SLC3A1: variants seen among roughly 807,000 people sequenced by gnomAD.
The protein encoded by SLC3A1 is solute carrier family 3 member 1.
In SLC3A1, 78 loss-of-function variants were observed where a neutral mutation model predicts 60.3. That is an observed-to-expected ratio of 1.29 (90% CI 1.08 to 1.56). The LOEUF is 1.56. Among genes scored for constraint, SLC3A1 ranks in the 40% most tolerant of loss-of-function variants. The pLI is 0.00. For synonymous variants in SLC3A1, 392 were observed against 307.9 expected, an observed-to-expected ratio of 1.27 and a Z score of -2.86; for missense variants, 1,172 against 858.9, an observed-to-expected ratio of 1.36 and a Z score of -4.56.
chr2:44,289,884 G>A (rs1172854780), intron 4 of SLC3A1, among the ~76,000 whole-genome samples: 2 of 152,238 alleles, frequency 1.3e-5, no homozygotes, highest in South Asian at 2.1e-4. Context: ...ACCCGCCTCG[G>A]CCTCCCAAAG....
intron 7 of SLC3A1, 124 bp from the exon 8 acceptor site, chr2:44,312,462 G>A: frequency 2.0e-6 from 2 of 996,840 alleles, no homozygotes; most frequent in Admixed American, 1.8e-5. Context: ...TCAAGTCCAG[G>A]CTTGCTAGTA....
chr2:44,312,974 G>T (rs1672337010), intron 8 of SLC3A1, among the ~76,000 whole-genome samples: 3 of 151,390 alleles, frequency 2.0e-5, no homozygotes, highest in South Asian at 2.1e-4. Flanking sequence ...AAAGTTTCTT[G>T]GGTAGGGCAT....
chr2:44,315,312 C>T (rs1048999354), intron 9 of SLC3A1: 5 of 151,576 alleles, frequency 3.3e-5, no homozygotes, highest in Non-Finnish European at 7.4e-5. Flanking sequence ...TCCAAATGAC[C>T]CTGGAAAGGA....
intron 9 of SLC3A1, 116 bp from the exon 10 acceptor site, chr2:44,320,083 A>G (rs533200656): frequency 2.3e-6 from 2 of 854,628 alleles, no homozygotes; most frequent in Non-Finnish European, 3.6e-6. Context: ...TGGCAATTAT[A>G]AGGGGCAAAA....
At chr2:44,300,870 C>T in intron 5 of SLC3A1, 133 bp from the exon 6 acceptor site, 4 of 953,456 alleles carry the variant, frequency 4.2e-6, no homozygotes, top group Non-Finnish European at 6.7e-6. Context: ...TCTTCTCCAT[C>T]CACAAAACCA....
At chr2:44,304,463 C>A (rs934795026) in intron 7 of SLC3A1, 125 bp downstream of exon 7, 11 of 786,808 alleles carry the variant, frequency 1.4e-5, no homozygotes, top group Non-Finnish European at 2.4e-5. Flanking sequence ...GGTGATTGTT[C>A]AGTGGTCAGG....
At chr2:44,285,907 C>A in intron 3 of SLC3A1, 125 bp from the exon 4 acceptor site, 1 of 1,268,614 alleles carries the variant, frequency 7.9e-7, no homozygotes, top group Non-Finnish European at 1.2e-6. Flanking sequence ...ACCTGCTGCT[C>A]TCTGTAGAAG....
At chr2:44,289,468 C>G (rs1572796294) in intron 4 of SLC3A1, among the ~76,000 whole-genome samples, 1 of 152,104 alleles carries the variant, frequency 6.6e-6, no homozygotes, top group Non-Finnish European at 1.5e-5. Context: ...GCCTCAGCCT[C>G]CCAAAGTGCT....
intron 5 of SLC3A1, among the ~76,000 whole-genome samples, chr2:44,300,698 G>A (rs1239036346): frequency 6.6e-6 from 1 of 150,960 alleles, no homozygotes; most frequent in East Asian, 1.9e-4. Context: ...CTTTTTTTTT[G>A]TTTTTAAAAG....
At chr2:44,300,602 A>C (rs1362506028) in intron 5 of SLC3A1, among the ~76,000 whole-genome samples, 1 of 152,228 alleles carries the variant, frequency 6.6e-6, no homozygotes, top group Non-Finnish European at 1.5e-5. Context: ...AGTGATGGTA[A>C]AGAAACAAAT....
At position 44,294,322 on chromosome 2, in the gene SLC3A1, TGGTGAAA is replaced by T. The variant is rs560658152; in HGVS notation, c.892-5648_892-5642del. Among the ~76,000 whole-genome samples, 183 of 152,072 alleles carry T rather than the reference TGGTGAAA, an allele frequency of 1.2e-3. 1 individual carries two copies. Among genetic ancestry groups the T allele is most frequent in the African/African-American group, 4.2e-3 (175 of 41,462 alleles). On this transcript the variant is annotated intron_variant, in intron 4 of 9. Transcript: ENST00000260649. The stretch of plus-strand genomic sequence containing the variant: ...GAGTTCGAGATGAGCCTGGTCAACA[TGGTGAAA>T]CTCCATCTCTACTAAAAATACAAAA...
At position 44,304,134 on chromosome 2, in the gene SLC3A1, C is replaced by T; in HGVS notation, c.1137-9C>T. 1.2e-6 allele frequency: 2 copies of T among 1,612,190 alleles called. No homozygotes were observed. The highest frequency in any genetic ancestry group is 1.1e-5 in the South Asian group (1 of 91,036). On this transcript the variant is annotated splice_polypyrimidine_tract_variant and intron_variant, in intron 6 of 9. Coordinates refer to ENST00000260649, the MANE Select transcript of SLC3A1 (RefSeq NM_000341.4). Reference sequence around the variant, plus strand: ...CCCCGATGACACTGAACCTTGTCAACTCTTATAGGTTCATGGGGACTGAAG... The same window carrying T: ...CCCCGATGACACTGAACCTTGTCAATTCTTATAGGTTCATGGGGACTGAAG...
intron 9 of SLC3A1, among the ~76,000 whole-genome samples, chr2:44,315,452 C>T (rs902803160): frequency 6.6e-6 from 1 of 150,422 alleles, no homozygotes; most frequent in African/African-American, 2.4e-5. Flanking sequence ...AGTTTGAGAC[C>T]AGCCTAGGCA....
chr2:44,310,224 G>C (rs570067873), intron 7 of SLC3A1, among the ~76,000 whole-genome samples: 1 of 152,116 alleles, frequency 6.6e-6, no homozygotes, highest in South Asian at 2.1e-4. Flanking sequence ...TGATTTTGAG[G>C]AACTACCAAA....
At chr2:44,312,774 C>CAGCTGTAAATACAAG (rs541213039) in intron 8 of SLC3A1, 21 bp downstream of exon 8, 3 of 1,596,014 alleles carry the variant, frequency 1.9e-6, no homozygotes, top group Admixed American at 1.7e-5. Flanking sequence ...TACAACTTGA[C>CAGCTGTAAATACAAG]TATTCATCAC....
At chr2:44,295,365 G>A (rs1222835637) in intron 4 of SLC3A1, among the ~76,000 whole-genome samples, 1 of 152,164 alleles carries the variant, frequency 6.6e-6, no homozygotes, top group Non-Finnish European at 1.5e-5. Context: ...ACCTACATGG[G>A]TCACTAGACC....
intron 1 of SLC3A1, among the ~76,000 whole-genome samples, chr2:44,276,303 T>C (rs1398912709): frequency 1.3e-5 from 2 of 152,198 alleles, no homozygotes; most frequent in African/African-American, 4.8e-5. Context: ...GGGGACTTTA[T>C]AGTTGAATAT....
Position 44,281,478 on chromosome 2 carries a change from T to C in SLC3A1, c.702T>C (p.Thr234=), listed in dbSNP as rs1324718729. Residue 234 remains threonine (T), a synonymous_variant, in exon 3 of 10, where the codon ACT becomes ACC. Coordinates refer to ENST00000260649, the MANE Select transcript of SLC3A1 (RefSeq NM_000341.4). ...GTCGGACACGGACAGGAAAATATAC[T>C]GATTATTATATCTGGCATGACTGTA... ...QLSRTRTGKY[T]DYYIWHDCTH... The C allele has an allele frequency of 2.5e-6, 4 of 1,613,938 alleles. No homozygotes were observed. Among genetic ancestry groups the C allele is most frequent in the Non-Finnish European group, 3.4e-6 (4 of 1,179,786 alleles).
At chr2:44,316,357 TAA>T (rs920952283) in intron 9 of SLC3A1, 2 of 152,310 alleles carry the variant, frequency 1.3e-5, no homozygotes, top group African/African-American at 4.8e-5. Flanking sequence ...CTCAGAAGTA[TAA>T]AAGACTGTCA....
Sources: allele counts gnomAD v4.1 joint callset (sites outside exome capture counted in the v4.1 genomes callset), GRCh38; gene constraint gnomAD v4.1.1; transcripts MANE v1.5; gene names NCBI Gene and HGNC (gene_info 2026-07-23, HGNC 2026-07-21).